Variants in DHRS4 observed in about 807,000 individuals in gnomAD.
DHRS4 encodes the protein dehydrogenase/reductase SDR family member 4.
Under a neutral mutation model 28.4 loss-of-function variants are expected in DHRS4, and 20 were observed. The ratio of observed to expected loss-of-function variants is 0.71; its 90% CI spans 0.50 to 1.02. The LOEUF (loss-of-function observed/expected upper bound fraction) is 1.02. Among genes scored for constraint, DHRS4 ranks in the 50% least tolerant of loss-of-function variants. The pLI is 0.00. For synonymous variants in DHRS4, 144 were observed against 146.4 expected, an observed-to-expected ratio of 0.98 and a Z score of 0.12; for missense variants, 378 against 367.2, an observed-to-expected ratio of 1.03 and a Z score of -0.24.
At position 23,968,773 on chromosome 14, in the gene DHRS4, G is replaced by C; in HGVS notation, c.739G>C (p.Asp247His). The C allele has an allele frequency of 6.2e-7, 1 of 1,605,204 alleles. No homozygotes were observed. The highest frequency in any genetic ancestry group is 1.7e-4 in the Middle Eastern group (1 of 6,048). The change falls in exon 8 of 8, where the codon GAT (aspartate) becomes CAT (histidine). Residue 247 changes from aspartate to histidine, a missense_variant. By Grantham distance (81) the Asp-to-His change is moderately conservative. Coordinates refer to ENST00000313250, the MANE Select transcript of DHRS4 (RefSeq NM_021004.4). ...LRIRRLGEPE[D>H]CAGIVSFLCS... ...ATTCCCCAGGTTAGGCGAGCCAGAGGATTGTGCTGGCATCGTGTCTTTCCT... is the reference window on the plus strand; with the variant it reads ...ATTCCCCAGGTTAGGCGAGCCAGAGCATTGTGCTGGCATCGTGTCTTTCCT...
intron 7 of DHRS4, 179 bp downstream of exon 7, chr14:23,967,445 C>G (rs112855727): frequency 3.8e-5 from 44 of 1,158,104 alleles, no homozygotes; most frequent in Middle Eastern, 5.0e-4. Flanking sequence ...AGTCAGCTTC[C>G]CTTTCAAAAG....
chr14:23,968,708 G>A, intron 7 of DHRS4, 49 bp from the exon 8 acceptor site: 1 of 1,599,618 alleles, frequency 6.3e-7, no homozygotes, highest in Non-Finnish European at 8.5e-7. Context: ...GGTGAGGGAG[G>A]CAGAACTGTT....
intron 2 of DHRS4, 52 bp from the exon 3 acceptor site, chr14:23,959,850 G>T (rs1466011091): frequency 6.3e-7 from 1 of 1,588,646 alleles, no homozygotes; most frequent in South Asian, 1.1e-5. Context: ...ATGGGTAAAT[G>T]CACCTCCCTT....
At chr14:23,954,040 A>G in intron 1 of DHRS4, 124 bp downstream of exon 1, 1 of 1,447,562 alleles carries the variant, frequency 6.9e-7, no homozygotes, top group Admixed American at 2.3e-5. Flanking sequence ...GGCCCTGGAA[A>G]AAAGGTAGCC....
intron 2 of DHRS4, among the ~76,000 whole-genome samples, chr14:23,958,209 A>C (rs1188243205): frequency 6.6e-6 from 1 of 151,814 alleles, no homozygotes; most frequent in Non-Finnish European, 1.5e-5. Flanking sequence ...TGTTAGATTT[A>C]CACATTGACA....
At chr14:23,964,220 T>TAAAAAAAAAAAAAAAAAAAAAAAAAAA (rs71119059) in intron 3 of DHRS4, among the ~76,000 whole-genome samples, 1 of 34,502 alleles carries the variant, frequency 2.9e-5, no homozygotes, top group African/African-American at 9.3e-5. Context: ...CTGCAATTTG[T>TAAAAAAAAAAAAAAAAAAAAAAAAAAA]AAAAAAAAAA....
rs370061276 is a variant in DHRS4 at position 23,955,170 on chromosome 14, C to T, written c.264C>T (p.Cys88=). The T allele has an allele frequency of 1.3e-5, 21 of 1,613,672 alleles. No homozygotes were observed. The highest frequency in any genetic ancestry group is 1.7e-5 in the Non-Finnish European group (20 of 1,179,830). The change falls in exon 2 of 8, where the codon TGC becomes TGT. Residue 88 remains cysteine, a synonymous_variant. Coordinates refer to ENST00000313250, the MANE Select transcript of DHRS4 (RefSeq NM_021004.4). Reference sequence around the variant, plus strand: ...GGCTGAGCGTGACGGGCACCGTGTGCCATGTGGGGAAGGCGGAGGACCGGG... The same window carrying T: ...GGCTGAGCGTGACGGGCACCGTGTGTCATGTGGGGAAGGCGGAGGACCGGG... The part of the protein sequence containing the change: ...GEGLSVTGTV[C]HVGKAEDRER...
intron 3 of DHRS4, 35 bp downstream of exon 3, chr14:23,960,038 G>GGGC: frequency 6.3e-7 from 1 of 1,582,750 alleles, no homozygotes; most frequent in African/African-American, 1.5e-5. Context: ...GCCGGGGGGG[G>GGGC]CGCCTTGGAA....
At position 23,965,822 on chromosome 14, in the gene DHRS4, G is replaced by A. The variant is rs1177716697; in HGVS notation, c.469G>A (p.Glu157Lys). 1 of 1,606,854 alleles carries A rather than the reference G, an allele frequency of 6.2e-7. No homozygotes were observed. Among genetic ancestry groups the A allele is most frequent in the African/African-American group, 1.4e-5 (1 of 73,542 alleles). The change falls in exon 4 of 8, where the codon GAG (glutamate) becomes AAG (lysine). Residue 157 changes from glutamate (E) to lysine (K), a missense_variant. By Grantham distance (56) the Glu-to-Lys change is moderately conservative (BLOSUM62 1). Coordinates refer to ENST00000313250, the MANE Select transcript of DHRS4 (RefSeq NM_021004.4). ...LMTKAVVPEM[E>K]KRGGGSVVIV... The stretch of plus-strand genomic sequence containing the variant: ...GACAAAGGCAGTGGTGCCAGAAATG[G>A]AGAAACGAGGGTACAGAGAGTGAGA...
intron 2 of DHRS4, 58 bp from the exon 3 acceptor site, chr14:23,959,844 G>C: frequency 6.3e-7 from 1 of 1,583,644 alleles, no homozygotes; most frequent in Non-Finnish European, 8.7e-7. Context: ...ATCAACATGG[G>C]TAAATGCACC....
chr14:23,957,797 C>G (rs533442755), intron 2 of DHRS4, among the ~76,000 whole-genome samples: 205 of 149,356 alleles, frequency 1.4e-3, no homozygotes, highest in Non-Finnish European at 2.6e-3. Context: ...GTGGTCCTCC[C>G]CACTGGGCCT....
intron 3 of DHRS4, among the ~76,000 whole-genome samples, 189 bp downstream of exon 3, chr14:23,960,192 T>C (rs566698436): frequency 6.6e-6 from 1 of 152,102 alleles, no homozygotes; most frequent in South Asian, 2.1e-4. Flanking sequence ...CCCTTCTCAT[T>C]CGTTTCTGCT....
chr14:23,966,511 A>G (rs2033626861), intron 6 of DHRS4, 94 bp downstream of exon 6: 4 of 1,567,288 alleles, frequency 2.6e-6, no homozygotes, highest in Non-Finnish European at 3.5e-6. Context: ...CTGAGCTCTC[A>G]GCCACTCCAT....
intron 6 of DHRS4, 45 bp from the exon 7 acceptor site, chr14:23,967,166 G>T: frequency 1.3e-6 from 2 of 1,569,350 alleles, no homozygotes; most frequent in South Asian, 1.2e-5. Context: ...AAAAGAAAAA[G>T]AAAAAGAAAA....
At chr14:23,966,203 G>A in intron 5 of DHRS4, 80 bp from the exon 6 acceptor site, 1 of 1,580,352 alleles carries the variant, frequency 6.3e-7, no homozygotes, top group Non-Finnish European at 8.6e-7. Context: ...TCCCTATTGA[G>A]CACTGCCCTC....
chr14:23,963,931 G>A (rs2033511562), intron 3 of DHRS4, among the ~76,000 whole-genome samples: 2 of 151,042 alleles, frequency 1.3e-5, no homozygotes, highest in Admixed American at 6.6e-5. Context: ...AGGGAATATG[G>A]AGGCCCACAG....
At chr14:23,968,481 T>C (rs1038807993) in intron 7 of DHRS4, among the ~76,000 whole-genome samples, 1 of 150,754 alleles carries the variant, frequency 6.6e-6, no homozygotes, top group Non-Finnish European at 1.5e-5. Flanking sequence ...TCTATATAAC[T>C]TTGGATTTTG....
chr14:23,957,316 C>T (rs916053833), intron 2 of DHRS4, among the ~76,000 whole-genome samples: 6 of 151,510 alleles, frequency 4.0e-5, no homozygotes, highest in Admixed American at 2.0e-4. Context: ...CTGCCAGTTG[C>T]CACATGTTAC....
intron 2 of DHRS4, among the ~76,000 whole-genome samples, chr14:23,958,008 C>T (rs2033244422): frequency 6.6e-6 from 1 of 151,748 alleles, no homozygotes; most frequent in Admixed American, 6.6e-5. Flanking sequence ...TCCTCCCAGC[C>T]CAAACACATG....
Sources: allele counts gnomAD v4.1 joint callset (sites outside exome capture counted in the v4.1 genomes callset), GRCh38; gene constraint gnomAD v4.1.1; transcripts MANE v1.5; gene names NCBI Gene and HGNC (gene_info 2026-07-23, HGNC 2026-07-21).